The following FANCC variants were observed in gnomAD, a reference collection of about 807,000 sequenced individuals.
The protein encoded by FANCC is Fanconi anemia group C protein.
Under a neutral mutation model 71.3 loss-of-function variants are expected in FANCC, and 55 were observed. That is an observed-to-expected ratio of 0.77 (90% confidence interval 0.62 to 0.97). FANCC has a LOEUF of 0.97. Ranked by LOEUF, FANCC falls within the 50% of genes least tolerant of loss-of-function variation. The probability of loss-of-function intolerance (pLI) is 0.00; values close to 1 mark genes in which losing one functional copy is unlikely to be tolerated. For missense variants in FANCC, 678 were observed against 670.9 expected (o/e 1.01, Z -0.12); for synonymous variants, 275 against 244.9 (o/e 1.12, Z -1.15).
At chr9:95,253,796 G>A (rs540616208) in intron 1 of FANCC, among the ~76,000 whole-genome samples, 1 of 151,896 alleles carries the variant, frequency 6.6e-6, no homozygotes, top group African/African-American at 2.4e-5. Context: ...ACCAGGGCGG[G>A]GGCAGGGATG....
At chr9:95,151,988 C>T (rs1286644354) in intron 6 of FANCC, among the ~76,000 whole-genome samples, 1 of 151,594 alleles carries the variant, frequency 6.6e-6, no homozygotes, top group Non-Finnish European at 1.5e-5. Context: ...CAAAAGACCA[C>T]ACCAATTTAC....
At position 95,262,399 on chromosome 9, in the gene FANCC, C is replaced by T. The variant is rs1400232079; in HGVS notation, c.-78-13030G>A. Among the ~76,000 whole-genome samples the T allele has an allele frequency of 2.6e-5, 4 of 152,160 alleles. No individual in the cohort carries two copies. The East Asian group carries it at 7.7e-4, about 29-fold the overall frequency. On this transcript the variant is annotated intron_variant, in intron 1 of 14. Transcript: ENST00000289081. ...CGCTGGGTGACAGGCTGGGGCAATG[C>T]ATCCTAATTCATTAAAAACAAACAG...
At chr9:95,222,162 CAAAAAAA>C (rs60764731) in intron 4 of FANCC, among the ~76,000 whole-genome samples, 14 of 70,622 alleles carry the variant, frequency 2.0e-4, no homozygotes, top group African/African-American at 6.9e-4. Context: ...GGCCCCATCT[CAAAAAAA>C]AAAAAAAAAA....
At chr9:95,262,893 G>C (rs1055708370) in intron 1 of FANCC, among the ~76,000 whole-genome samples, 4 of 152,206 alleles carry the variant, frequency 2.6e-5, no homozygotes, top group African/African-American at 9.6e-5. Context: ...CCACACAGAT[G>C]AGGTACCTAC....
chr9:95,189,545 T>G (rs1298472559), intron 4 of FANCC, among the ~76,000 whole-genome samples: 1 of 151,944 alleles, frequency 6.6e-6, no homozygotes, highest in Non-Finnish European at 1.5e-5. Context: ...GGAAATAGAG[T>G]AGGCTTCCCA....
At chr9:95,242,208 T>C (rs893135428) in intron 3 of FANCC, among the ~76,000 whole-genome samples, 17 of 152,104 alleles carry the variant, frequency 1.1e-4, no homozygotes, top group African/African-American at 3.9e-4. Context: ...AAATAAAGCA[T>C]TATAAAGCAC....
At chr9:95,111,991 G>A (rs2071979003) in intron 12 of FANCC, among the ~76,000 whole-genome samples, 1 of 152,196 alleles carries the variant, frequency 6.6e-6, no homozygotes, top group African/African-American at 2.4e-5. Context: ...CTTCTGAGAT[G>A]GGGAGAAAGA....
chr9:95,201,556 C>T (rs542750315), intron 4 of FANCC, among the ~76,000 whole-genome samples: 1 of 152,220 alleles, frequency 6.6e-6, no homozygotes, highest in East Asian at 1.9e-4. Flanking sequence ...TCCGTATTTT[C>T]TTCAAAGCAA....
Position 95,118,673 on chromosome 9 carries a change from T to G in FANCC, c.997-1283A>C, listed in dbSNP as rs145026773. ...TGTAAAGGGAACATAAAGTATGTTTTCTTTTGTGTCTGGCTTCTTGGGCTC... is the reference window on the plus strand; with the variant it reads ...TGTAAAGGGAACATAAAGTATGTTTGCTTTTGTGTCTGGCTTCTTGGGCTC... On this transcript the variant is annotated intron_variant, in intron 10 of 14. Transcript: ENST00000289081. Among the ~76,000 whole-genome samples, 266 of 152,354 alleles carry G rather than the reference T, an allele frequency of 1.7e-3. 2 individuals carry two copies. Among genetic ancestry groups the G allele is most frequent in the African/African-American group, 6.0e-3 (250 of 41,584 alleles).
At chr9:95,128,510 A>G (rs1032840114) in intron 8 of FANCC, among the ~76,000 whole-genome samples, 1 of 152,210 alleles carries the variant, frequency 6.6e-6, no homozygotes, top group African/African-American at 2.4e-5. Context: ...GAATCATTCA[A>G]TACTAATTAT....
At chr9:95,293,878 T>C (rs747772618) in intron 1 of FANCC, 188 of 1,606,400 alleles carry the variant, frequency 1.2e-4, no homozygotes, top group Non-Finnish European at 1.5e-4. Context: ...CAAGCTGGAA[T>C]GTGCAGAGAC....
At chr9:95,120,718 G>A (rs1372557348) in intron 10 of FANCC, among the ~76,000 whole-genome samples, 10 of 152,224 alleles carry the variant, frequency 6.6e-5, no homozygotes, top group African/African-American at 9.6e-5. Context: ...ATGAGCCGCC[G>A]TGCCCAGCCA....
chr9:95,252,828 C>T (rs1366588103), intron 1 of FANCC, among the ~76,000 whole-genome samples: 3 of 149,400 alleles, frequency 2.0e-5, no homozygotes, highest in Non-Finnish European at 3.0e-5. Flanking sequence ...ACAGGAGCAT[C>T]GCTTGAGGCC....
intron 4 of FANCC, among the ~76,000 whole-genome samples, chr9:95,212,981 G>T (rs1420747958): frequency 6.6e-6 from 1 of 152,186 alleles, no homozygotes; most frequent in Non-Finnish European, 1.5e-5. Flanking sequence ...ATGGGCAAAT[G>T]AAAGCTTCAA....
At chr9:95,110,247 A>ATTTC (rs1409678836) in intron 13 of FANCC, 70 of 1,006,362 alleles carry the variant, frequency 7.0e-5, no homozygotes, top group Non-Finnish European at 8.2e-5. Context: ...TGAATAATTT[A>ATTTC]TTTCTTTATA....
intron 7 of FANCC, among the ~76,000 whole-genome samples, 162 bp downstream of exon 7, chr9:95,149,761 G>A (rs1193188825): frequency 2.6e-5 from 4 of 151,920 alleles, no homozygotes; most frequent in Non-Finnish European, 2.9e-5. Flanking sequence ...TTACAGGTGT[G>A]AGCCACCACA....
chr9:95,112,550 A>C (rs888531326), intron 12 of FANCC, among the ~76,000 whole-genome samples: 1 of 152,202 alleles, frequency 6.6e-6, no homozygotes, highest in Non-Finnish European at 1.5e-5. Context: ...GTCAGAGCTG[A>C]TGCTCTGGAG....
At position 95,101,836 on chromosome 9, in the gene FANCC, A is replaced by T. The variant is rs981705777; in HGVS notation, c.1548T>A (p.Ala516=). 6.2e-7 allele frequency: 1 copy of T among 1,614,026 alleles called. No individual in the cohort carries two copies. The highest frequency in any genetic ancestry group is 8.5e-7 in the Non-Finnish European group (1 of 1,179,966). ...WDVITLMAHT[A]EITHEIIGFL... ...AGCCAATGATCTCGTGAGTTATCTC[A>T]GCAGTGTGAGCCATCTGCAATCAGG... Residue 516 remains alanine, a synonymous_variant, in exon 15 of 15, where the codon GCT becomes GCA. Transcript: ENST00000289081.
chr9:95,288,119 T>C (rs897265244), intron 1 of FANCC, among the ~76,000 whole-genome samples: 1 of 152,218 alleles, frequency 6.6e-6, no homozygotes, highest in African/African-American at 2.4e-5. Context: ...TAAAATGCTA[T>C]AATTTAATTT....
Sources: allele counts gnomAD v4.1 joint callset (sites outside exome capture counted in the v4.1 genomes callset), GRCh38; gene constraint gnomAD v4.1.1; transcripts MANE v1.5; gene names NCBI Gene and HGNC (gene_info 2026-07-23, HGNC 2026-07-21).